Variants in KCNAB1 observed in about 807,000 individuals in gnomAD.
The protein encoded by KCNAB1 is potassium voltage-gated channel subfamily A regulatory beta subunit 1.
Under a neutral mutation model 64.6 loss-of-function variants are expected in KCNAB1, and 35 were observed. That is an observed-to-expected ratio of 0.54 (90% CI 0.41 to 0.72). The LOEUF (loss-of-function observed/expected upper bound fraction) is 0.72, where lower values mean the gene tolerates loss of function less well. KCNAB1 is among the 30% of genes least tolerant of loss of function. The pLI is 0.00. For synonymous variants in KCNAB1, 177 were observed against 183.8 expected (o/e 0.96, Z 0.30); for missense variants, 401 against 512.9 (o/e 0.78, Z 2.11).
intron 2 of KCNAB1, among the ~76,000 whole-genome samples, chr3:156,440,772 T>A (rs1279582910): frequency 3.3e-5 from 5 of 152,162 alleles, no homozygotes; most frequent in Non-Finnish European, 7.4e-5. Context: ...TAAGCCGAAA[T>A]CATTAACAGT....
At chr3:156,249,196 A>G (rs904041064) in intron 1 of KCNAB1, among the ~76,000 whole-genome samples, 2 of 152,176 alleles carry the variant, frequency 1.3e-5, no homozygotes, top group African/African-American at 4.8e-5. Context: ...TGGATTAGTT[A>G]GTGGGAATGA....
chr3:156,201,453 C>T (rs1028872783), intron 1 of KCNAB1, among the ~76,000 whole-genome samples: 1 of 152,248 alleles, frequency 6.6e-6, no homozygotes, highest in African/African-American at 2.4e-5. Context: ...AGTGAATCCA[C>T]ACCAACACAT....
intron 1 of KCNAB1, among the ~76,000 whole-genome samples, chr3:156,345,193 A>C (rs886697100): frequency 6.6e-6 from 1 of 152,230 alleles, no homozygotes; most frequent in African/African-American, 2.4e-5. Context: ...GGGTGAAGGA[A>C]ATGGATTGAC....
chr3:156,515,995 A>G (rs1323586490), intron 10 of KCNAB1, among the ~76,000 whole-genome samples: 1 of 152,176 alleles, frequency 6.6e-6, no homozygotes, highest in African/African-American at 2.4e-5. Flanking sequence ...GGACAAGGAC[A>G]ACAAAACTTC....
chr3:156,501,730 C>T (rs956794036), intron 8 of KCNAB1, among the ~76,000 whole-genome samples: 6 of 152,118 alleles, frequency 3.9e-5, no homozygotes, highest in African/African-American at 7.2e-5. Flanking sequence ...CTGCGCCCGG[C>T]CTGACTTAGT....
intron 1 of KCNAB1, among the ~76,000 whole-genome samples, chr3:156,275,836 G>C (rs932227860): frequency 1.3e-5 from 2 of 151,974 alleles, no homozygotes; most frequent in Admixed American, 1.3e-4. Flanking sequence ...CTCCACTAGA[G>C]TCTTGAACCC....
intron 1 of KCNAB1, among the ~76,000 whole-genome samples, chr3:156,220,810 G>C (rs1383411149): frequency 1.3e-5 from 2 of 152,162 alleles, no homozygotes. Flanking sequence ...GTCCTGAATG[G>C]TATTGCCTAG....
chr3:156,325,323 C>G (rs970534695), intron 1 of KCNAB1, among the ~76,000 whole-genome samples: 11 of 152,068 alleles, frequency 7.2e-5, no homozygotes, highest in Admixed American at 2.0e-4. Context: ...GTTATGGGTC[C>G]CACTGTAGTG....
intron 1 of KCNAB1, among the ~76,000 whole-genome samples, chr3:156,383,846 CT>C (rs1395819891): frequency 3.9e-5 from 6 of 152,214 alleles, no homozygotes; most frequent in Admixed American, 3.9e-4. Flanking sequence ...TTTTTCGCCC[CT>C]GAGCTGGTTT....
chr3:156,477,864 C>A (rs1368918858), intron 8 of KCNAB1, among the ~76,000 whole-genome samples: 1 of 152,028 alleles, frequency 6.6e-6, no homozygotes, highest in Non-Finnish European at 1.5e-5. Context: ...AAACAAGGTG[C>A]CTGTGTTAGT....
At chr3:156,533,515 C>T (rs1718845923) in intron 13 of KCNAB1, among the ~76,000 whole-genome samples, 1 of 152,154 alleles carries the variant, frequency 6.6e-6, no homozygotes, top group Non-Finnish European at 1.5e-5. Context: ...CCAGGTCTCG[C>T]AGGACACCAT....
intron 1 of KCNAB1, chr3:156,142,874 T>C (rs1714782281): frequency 5.5e-6 from 3 of 541,460 alleles, no homozygotes; most frequent in Non-Finnish European, 7.3e-6. Flanking sequence ...ATATTTTTTT[T>C]CCCCAGGGCC....
rs772271999 is a variant in KCNAB1 at position 156,225,394 on chromosome 3, CA to C, written c.275+104512del. 4.3e-4 allele frequency among the ~76,000 whole-genome samples: 66 copies of C among 152,134 alleles called. 1 individual carries two copies. Among genetic ancestry groups the C allele is most frequent in the South Asian group, 2.3e-3 (11 of 4,832 alleles). Reference sequence around the variant, plus strand: ...ATTGCTTTATGATTAAAATCCTCAGCAAAATCGGCATAGAAGGGACAAACGT... The same window carrying C: ...ATTGCTTTATGATTAAAATCCTCAGCAAATCGGCATAGAAGGGACAAACGT... On this transcript the variant is annotated intron_variant, in intron 1 of 13. Transcript: ENST00000490337.
chr3:156,524,441 C>A (rs1259589578), intron 12 of KCNAB1, among the ~76,000 whole-genome samples: 1 of 152,122 alleles, frequency 6.6e-6, no homozygotes, highest in East Asian at 1.9e-4. Flanking sequence ...GTCATGATTG[C>A]TGGTAACAAT....
intron 1 of KCNAB1, among the ~76,000 whole-genome samples, chr3:156,173,689 C>T (rs112784825): frequency 9.5e-5 from 14 of 147,004 alleles, no homozygotes; most frequent in African/African-American, 2.2e-4. Flanking sequence ...AAATTGTATG[C>T]GATGGTTAAT....
chr3:156,429,287 T>C (rs952849816), intron 2 of KCNAB1, among the ~76,000 whole-genome samples: 24 of 152,222 alleles, frequency 1.6e-4, no homozygotes, highest in Admixed American at 6.5e-5. Flanking sequence ...CTTATCTACA[T>C]GGCAGCAGCC....
At chr3:156,147,533 A>T (rs1715109138) in intron 1 of KCNAB1, among the ~76,000 whole-genome samples, 1 of 152,116 alleles carries the variant, frequency 6.6e-6, no homozygotes, top group Admixed American at 6.5e-5. Context: ...AAAAACACAG[A>T]TTTCTTTTTT....
chr3:156,533,799 T>C (rs1006326003), intron 13 of KCNAB1, among the ~76,000 whole-genome samples: 1 of 152,072 alleles, frequency 6.6e-6, no homozygotes, highest in African/African-American at 2.4e-5. Context: ...ATCATGCTAA[T>C]ACAGGGAGAT....
chr3:156,182,638 C>G lies in KCNAB1; in HGVS notation c.275+61752C>G, dbSNP rs182693831. Among the ~76,000 whole-genome samples, 34 of 151,134 alleles carry G rather than the reference C, an allele frequency of 2.2e-4. No individual in the cohort carries two copies. The East Asian group carries it at 3.1e-3, about 14-fold the overall frequency. On this transcript the variant is annotated intron_variant, in intron 1 of 13. Coordinates refer to ENST00000490337, the MANE Select transcript of KCNAB1 (RefSeq NM_172160.3). ...AGGGTTGGTTTTTTTTTCCCCCCCC[C>G]GGGTCTTATCTTTTCTACCCAAATG...
Sources: gnomAD v4.1 joint callset for allele counts (sites outside exome capture counted in the v4.1 genomes callset) on GRCh38, gnomAD v4.1.1 for gene constraint, MANE v1.5 for transcripts, NCBI Gene and HGNC (gene_info 2026-07-23, HGNC 2026-07-21) for gene names.